NFATC1: variants seen among roughly 807,000 people sequenced by gnomAD.
NFATC1 encodes nuclear factor of activated T cells 1, also known as nuclear factor of activated T-cells, cytoplasmic 1.
Under a neutral mutation model 76.0 loss-of-function variants are expected in NFATC1, and 22 were observed. The observed-to-expected ratio is 0.29, with a 90% CI of 0.21 to 0.41. The LOEUF (loss-of-function observed/expected upper bound fraction) is 0.41, where lower values mean the gene tolerates loss of function less well. Among genes scored for constraint, NFATC1 ranks in the 10% least tolerant of loss-of-function variants. The probability of loss-of-function intolerance (pLI) is 1.00; values close to 1 mark genes in which losing one functional copy is unlikely to be tolerated. For synonymous variants in NFATC1, 704 were observed against 613.1 expected (o/e 1.15, Z -2.19); for missense variants, 1,357 against 1,337.7 (o/e 1.01, Z -0.23).
At chr18:79,523,932 G>A (rs2090681511) in intron 9 of NFATC1, 1 of 152,198 alleles carries the variant, frequency 6.6e-6, no homozygotes, top group African/African-American at 2.4e-5. Context: ...CGCCGTGAGG[G>A]TCACATGCTA....
intron 8 of NFATC1, among the ~76,000 whole-genome samples, chr18:79,471,707 C>T (rs376888815): frequency 6.6e-6 from 1 of 152,188 alleles, no homozygotes; most frequent in Admixed American, 6.5e-5. Flanking sequence ...AGGGTCATCC[C>T]GTGACAAGGA....
At position 79,442,234 on chromosome 18, in the gene NFATC1, G is replaced by T. The variant is rs776852517; in HGVS notation, c.1387-6548G>T. On this transcript the variant is annotated intron_variant, in intron 3 of 9. Coordinates refer to ENST00000427363, the MANE Select transcript of NFATC1 (RefSeq NM_001278669.2). Reference sequence around the variant, plus strand: ...CTTCCGGAGAGACGTGGAGACCCGCGTGCACGTGTGGAGACTGGCACGTGT... The same window carrying T: ...CTTCCGGAGAGACGTGGAGACCCGCTTGCACGTGTGGAGACTGGCACGTGT... Among the ~76,000 whole-genome samples, 2 of 152,216 alleles carry T rather than the reference G, an allele frequency of 1.3e-5. 1 individual carries two copies. Among genetic ancestry groups the T allele is most frequent in the South Asian group, 4.1e-4 (2 of 4,830 alleles).
chr18:79,512,593 C>G (rs934302287), intron 9 of NFATC1, among the ~76,000 whole-genome samples: 14 of 152,188 alleles, frequency 9.2e-5, no homozygotes, highest in Non-Finnish European at 2.1e-4. Flanking sequence ...GTCGGCGGGC[C>G]CCTTGTGCTT....
chr18:79,456,885 C>A (rs542543388), intron 6 of NFATC1, among the ~76,000 whole-genome samples: 1 of 152,198 alleles, frequency 6.6e-6, no homozygotes, highest in Non-Finnish European at 1.5e-5. Context: ...CCAGCGTCCG[C>A]GGCACGGGCA....
At chr18:79,397,846 T>C (rs62096865) in intron 1 of NFATC1, among the ~76,000 whole-genome samples, 14,855 of 152,126 alleles carry the variant, frequency 0.098, 1,028 homozygotes, top group Non-Finnish European at 0.14. Flanking sequence ...TGTTTCCTAC[T>C]GAAGAAAATA....
intron 1 of NFATC1, among the ~76,000 whole-genome samples, chr18:79,399,370 G>T: frequency 6.6e-6 from 1 of 152,234 alleles, no homozygotes; most frequent in East Asian, 1.9e-4. Flanking sequence ...CAGAGGGAGC[G>T]CTCCGAGGAG....
At chr18:79,441,736 T>C (rs1213941055) in intron 3 of NFATC1, among the ~76,000 whole-genome samples, 1 of 152,130 alleles carries the variant, frequency 6.6e-6, no homozygotes, top group Non-Finnish European at 1.5e-5. Context: ...TCTCCCTTCG[T>C]GGCCGTGGGC....
Position 79,527,811 on chromosome 18 carries a change from G to A in NFATC1, c.*234G>A. 1.7e-6 allele frequency: 1 copy of A among 574,658 alleles called. No homozygotes were observed. The highest frequency in any genetic ancestry group is 3.1e-6 in the Non-Finnish European group (1 of 324,012). The allele number at this position is 574,658 out of a possible 1,614,324, so 35.6% of individuals were successfully genotyped here. On this transcript the variant is annotated 3_prime_UTR_variant, in exon 10 of 10. Transcript: ENST00000427363. ...GAAGTCATCTCATGACAACAGAAGG[G>A]AGGTGGCCGGGCTGAGCACGGGAGA... is the stretch of plus-strand genomic sequence containing the variant.
At chr18:79,400,225 C>T (rs1432498290) in intron 1 of NFATC1, 12 of 1,191,726 alleles carry the variant, frequency 1.0e-5, no homozygotes, top group South Asian at 3.7e-5. Context: ...CGGCCGCGAG[C>T]CGGTTGTTTA....
rs771571883 is a variant in NFATC1 at position 79,410,671 on chromosome 18, T to C, written c.396T>C (p.Asn132=). 2 of 1,613,052 alleles carry C rather than the reference T, an allele frequency of 1.2e-6. No individual in the cohort carries two copies. Among genetic ancestry groups the C allele is most frequent in the South Asian group, 2.2e-5 (2 of 91,078 alleles). Residue 132 remains asparagine, a synonymous_variant, in exon 2 of 10, where the codon AAT becomes AAC. Coordinates refer to ENST00000427363, the MANE Select transcript of NFATC1 (RefSeq NM_001278669.2). This position sits in a 1 kb window ranked among gnomAD's most constrained non-coding sequence, Gnocchi z 6.7. ...ITSCLGLYHN[N]NQFFHDVEVE... ...CGTGCTTGGGCCTGTACCACAACAA[T>C]AACCAGTTTTTCCACGATGTGGAGG... is the stretch of plus-strand genomic sequence containing the variant.
rs75613530 is a variant in NFATC1 at position 79,526,525 on chromosome 18, G to T, written c.2783-1003G>T. 2.6e-5 allele frequency among the ~76,000 whole-genome samples: 4 copies of T among 152,316 alleles called. No individual in the cohort carries two copies. In the East Asian group the frequency reaches 7.8e-4, roughly 30 times the overall value. On this transcript the variant is annotated intron_variant, in intron 9 of 9. Transcript: ENST00000427363. Reference sequence around the variant, plus strand: ...CTGCTGGCGGGGCCGGGCATGTGGGGCACCTTTGCTTGCCTGGGTCTCTGG... The same window carrying T: ...CTGCTGGCGGGGCCGGGCATGTGGGTCACCTTTGCTTGCCTGGGTCTCTGG...
intron 6 of NFATC1, among the ~76,000 whole-genome samples, chr18:79,455,504 G>A (rs890521058): frequency 6.6e-6 from 1 of 152,300 alleles, no homozygotes; most frequent in African/African-American, 2.4e-5. Flanking sequence ...GCTGTGCCAG[G>A]GCTCCTAGGC....
chr18:79,433,639 G>C lies in NFATC1; in HGVS notation c.1287G>C (p.Arg429=), dbSNP rs373403939. Residue 429 remains arginine (R), a synonymous_variant, in exon 3 of 10, where the codon CGG becomes CGC. Transcript: ENST00000427363. ...CCCACTCAGGCCCGTATGAGCTTCG[G>C]ATTGAGGTGCAGCCCAAGTCCCACC... The part of the protein sequence containing the change: ...LPSHSGPYEL[R]IEVQPKSHHR... 3.0e-5 allele frequency: 48 copies of C among 1,613,100 alleles called. No homozygotes were observed. The African/African-American group carries it at 4.8e-4, about 16-fold the overall frequency.
intron 3 of NFATC1, among the ~76,000 whole-genome samples, chr18:79,436,793 G>A (rs2086795226): frequency 6.6e-6 from 1 of 152,114 alleles, no homozygotes; most frequent in Non-Finnish European, 1.5e-5. Context: ...CGGCATCCGG[G>A]GCTTCTCCCA....
At chr18:79,463,336 G>A (rs757968335) in intron 7 of NFATC1, among the ~76,000 whole-genome samples, 32 of 151,234 alleles carry the variant, frequency 2.1e-4, no homozygotes, top group African/African-American at 3.6e-4. Flanking sequence ...TACACGGCCC[G>A]TTGTCCGCAG....
At chr18:79,442,370 C>T (rs1177838215) in intron 3 of NFATC1, among the ~76,000 whole-genome samples, 2 of 152,236 alleles carry the variant, frequency 1.3e-5, no homozygotes, top group Non-Finnish European at 2.9e-5. Context: ...CAGGTGACAG[C>T]GCACGTGCCA....
intron 2 of NFATC1, among the ~76,000 whole-genome samples, chr18:79,429,250 A>T (rs970108886): frequency 4.7e-5 from 7 of 149,112 alleles, no homozygotes; most frequent in Non-Finnish European, 1.0e-4. Context: ...ATGGAGAGAG[A>T]GAGAAACAGA....
At chr18:79,452,121 C>T (rs576714935) in intron 6 of NFATC1, 12 of 247,252 alleles carry the variant, frequency 4.9e-5, no homozygotes, top group East Asian at 3.5e-4. Context: ...GAGGGCAAGA[C>T]GCATTTGCTG....
chr18:79,412,901 C>T (rs2085746123), intron 2 of NFATC1, among the ~76,000 whole-genome samples: 1 of 152,194 alleles, frequency 6.6e-6, no homozygotes, highest in Non-Finnish European at 1.5e-5. Context: ...GTTTTTAATA[C>T]ATTAAGGTTT....
Sources: allele counts gnomAD v4.1 joint callset (sites outside exome capture counted in the v4.1 genomes callset), GRCh38; gene constraint gnomAD v4.1.1; non-coding constraint Gnocchi (gnomAD v3.1); transcripts MANE v1.5; gene names NCBI Gene and HGNC (gene_info 2026-07-23, HGNC 2026-07-21).